Variants in LAMB1 observed in about 807,000 individuals in gnomAD.
The protein encoded by LAMB1 is laminin subunit beta-1.
LAMB1 carries 121 observed loss-of-function variants against 222.3 expected under a neutral mutation model. The ratio of observed to expected loss-of-function variants is 0.54; its 90% confidence interval spans 0.47 to 0.63. The LOEUF is 0.63. Ranked by LOEUF, LAMB1 falls within the 30% of genes least tolerant of loss-of-function variation. LAMB1 has a pLI of 0.00. For missense variants in LAMB1, 2,172 were observed against 2,240.8 expected (o/e 0.97, Z 0.62); for synonymous variants, 794 against 807.2 (o/e 0.98, Z 0.28).
chr7:108,002,022 A>G (rs2034397708), intron 2 of LAMB1: 1 of 1,443,526 alleles, frequency 6.9e-7, no homozygotes, highest in Non-Finnish European at 9.1e-7. Context: ...CACCCTGATC[A>G]GCCCCGGGGA....
intron 19 of LAMB1, 79 bp downstream of exon 19, chr7:107,959,612 G>C: frequency 1.9e-6 from 3 of 1,613,224 alleles, no homozygotes; most frequent in Non-Finnish European, 2.5e-6. Flanking sequence ...GGGAAGCATC[G>C]GCTCTGCAGC....
At position 107,951,254 on chromosome 7, in the gene LAMB1, G is replaced by A. The variant is rs765568344; in HGVS notation, c.3363C>T (p.Phe1121=). The change falls in exon 24 of 34, where the codon TTC becomes TTT. Residue 1121 remains phenylalanine, a synonymous_variant. Coordinates refer to ENST00000222399, the MANE Select transcript of LAMB1 (RefSeq NM_002291.3). ...GGCACTCCACGTCGGGGTCTCCCCA[G>A]AAGAGTTCCTGGCACTCGCTGCAGG... is the stretch of plus-strand genomic sequence containing the variant. ...GRTCSECQEL[F]WGDPDVECRA... The A allele has an allele frequency of 1.9e-6, 3 of 1,614,202 alleles. No individual in the cohort carries two copies. Among genetic ancestry groups the A allele is most frequent in the Non-Finnish European group, 1.7e-6 (2 of 1,180,020 alleles).
At chr7:107,998,173 C>T (rs1434271431) in intron 4 of LAMB1, among the ~76,000 whole-genome samples, 184 bp downstream of exon 4, 2 of 152,174 alleles carry the variant, frequency 1.3e-5, no homozygotes, top group Admixed American at 1.3e-4. Context: ...ATAGGAAATA[C>T]ATGCTTCAGG....
chr7:107,986,905 A>G (rs2034089702), intron 5 of LAMB1, among the ~76,000 whole-genome samples: 1 of 152,238 alleles, frequency 6.6e-6, no homozygotes. Context: ...GAAGAAATTA[A>G]TAACTCAAGA....
intron 25 of LAMB1, among the ~76,000 whole-genome samples, chr7:107,939,596 A>G (rs946501522): frequency 4.6e-5 from 7 of 152,178 alleles, no homozygotes; most frequent in Non-Finnish European, 5.9e-5. Context: ...CCCCTTCTCC[A>G]CAGGAGAGAA....
chr7:107,924,405 TAGAC>T lies in LAMB1; in HGVS notation c.5065-20_5065-17del, dbSNP rs2032510846. The T allele has an allele frequency of 7.6e-6, 12 of 1,580,390 alleles. No homozygotes were observed. Among genetic ancestry groups the T allele is most frequent in the African/African-American group, 2.7e-5 (2 of 73,260 alleles). On this transcript the variant is annotated splice_polypyrimidine_tract_variant and intron_variant, in intron 32 of 33. Coordinates refer to ENST00000222399, the MANE Select transcript of LAMB1 (RefSeq NM_002291.3). ...CATCTAAAGTCTATAGTTCCACATTTAGACAGAAAGAAGTGGTAATGTTAGTGTC... is the reference window on the plus strand; with the variant it reads ...CATCTAAAGTCTATAGTTCCACATTTAGAAAGAAGTGGTAATGTTAGTGTC...
intron 2 of LAMB1, chr7:108,002,054 G>A (rs1044774976): frequency 1.4e-6 from 2 of 1,444,902 alleles, no homozygotes; most frequent in Non-Finnish European, 9.1e-7. Context: ...AACAAAGGGT[G>A]GATGTGTAGA....
chr7:107,969,224 C>A (rs1439606411), intron 13 of LAMB1, among the ~76,000 whole-genome samples: 2 of 149,560 alleles, frequency 1.3e-5, no homozygotes, highest in African/African-American at 4.9e-5. Context: ...GGATGCGGAG[C>A]TTGCAGTGAG....
At chr7:107,962,707 C>CAAAAAA (rs57580761) in intron 15 of LAMB1, among the ~76,000 whole-genome samples, 198 bp downstream of exon 15, 2 of 98,694 alleles carry the variant, frequency 2.0e-5, no homozygotes, top group African/African-American at 3.5e-5. Flanking sequence ...GAGCGAGACT[C>CAAAAAA]AAAAAAAAAA....
At chr7:107,984,718 A>G (rs1399247955) in intron 7 of LAMB1, among the ~76,000 whole-genome samples, 1 of 152,248 alleles carries the variant, frequency 6.6e-6, no homozygotes, top group Non-Finnish European at 1.5e-5. Flanking sequence ...AATGACACTC[A>G]GTTAAATTTG....
rs1369520467 is a variant in LAMB1 at position 107,940,343 on chromosome 7, G to A, written c.3407C>T (p.Pro1136Leu). 6.2e-7 allele frequency: 1 copy of A among 1,613,482 alleles called. No homozygotes were observed. Among genetic ancestry groups the A allele is most frequent in the South Asian group, 1.1e-5 (1 of 91,070 alleles). The change falls in exon 25 of 34, where the codon CCC becomes CTC. Residue 1136 changes from proline (P) to leucine (L), a missense_variant. Pro to Leu is a moderately conservative substitution (Grantham distance 98). Transcript: ENST00000222399. ...DVECRACDCD[P>L]RGIETPQCDQ... ...ACACTGTGGCGTCTCAATGCCCCTG[G>A]GGTCACAGTCACAGGCTAGAAGGGA...
At position 107,971,196 on chromosome 7, in the gene LAMB1, G is replaced by T. The variant is rs369025929; in HGVS notation, c.1562+1796C>A. On this transcript the variant is annotated intron_variant, in intron 13 of 33. Coordinates refer to ENST00000222399, the MANE Select transcript of LAMB1 (RefSeq NM_002291.3). ...ATGGTTAATTCTGTCCCTCAACAAA[G>T]TAACTAAGGAGTGTCTGGGATCACA... Among the ~76,000 whole-genome samples, 3 of 152,282 alleles carry T rather than the reference G, an allele frequency of 2.0e-5. No individual in the cohort carries two copies. In the South Asian group the frequency reaches 6.2e-4, roughly 32 times the overall value.
chr7:107,925,285 T>C (rs1257632249), intron 32 of LAMB1, among the ~76,000 whole-genome samples: 4 of 152,188 alleles, frequency 2.6e-5, no homozygotes, highest in African/African-American at 9.7e-5. Context: ...AGTTAGGAAC[T>C]GGGTGGGCAG....
intron 5 of LAMB1, 133 bp from the exon 6 acceptor site, chr7:107,986,496 G>C (rs1465497299): frequency 1.4e-6 from 1 of 689,958 alleles, no homozygotes; most frequent in Non-Finnish European, 2.4e-6. Context: ...TCAGACTGTG[G>C]CTGGATTTCA....
At chr7:108,001,975 G>C (rs759239753) in intron 2 of LAMB1, 465 of 1,447,062 alleles carry the variant, frequency 3.2e-4, no homozygotes, top group Non-Finnish European at 4.1e-4. Context: ...CCAGCAGCGA[G>C]AGCCTCCCTC....
intron 7 of LAMB1, among the ~76,000 whole-genome samples, chr7:107,985,161 C>A (rs535276176): frequency 6.6e-5 from 10 of 152,262 alleles, no homozygotes; most frequent in Non-Finnish European, 1.3e-4. Flanking sequence ...GTATTTACAT[C>A]TTATATCAGA....
At chr7:107,924,473 G>T in intron 32 of LAMB1, 84 bp from the exon 33 acceptor site, 2 of 1,084,746 alleles carry the variant, frequency 1.8e-6, no homozygotes, top group Non-Finnish European at 1.3e-6. Flanking sequence ...ATCATGGCAT[G>T]CATTCTGGAT....
At chr7:107,950,617 T>A (rs2033221608) in intron 24 of LAMB1, among the ~76,000 whole-genome samples, 1 of 152,218 alleles carries the variant, frequency 6.6e-6, no homozygotes, top group Non-Finnish European at 1.5e-5. Context: ...TAAACTGACT[T>A]GGAGCCCCTG....
chr7:107,944,509 A>G (rs1314605201), intron 24 of LAMB1, among the ~76,000 whole-genome samples: 1 of 152,182 alleles, frequency 6.6e-6, no homozygotes. Context: ...TTGCAGTGTC[A>G]TTATTGAAAA....
Sources: gnomAD v4.1 joint callset for allele counts (sites outside exome capture counted in the v4.1 genomes callset) on GRCh38, gnomAD v4.1.1 for gene constraint, MANE v1.5 for transcripts, NCBI Gene and HGNC (gene_info 2026-07-23, HGNC 2026-07-21) for gene names.